The following DAPK1 variants were observed in gnomAD, a reference collection of about 807,000 sequenced individuals.
The protein encoded by DAPK1 is death-associated protein kinase 1.
A neutral mutation model predicts 144.9 loss-of-function variants in DAPK1; 56 were observed. The observed-to-expected ratio is 0.39, with a 90% CI of 0.31 to 0.48. The LOEUF (loss-of-function observed/expected upper bound fraction) is 0.48, where lower values mean the gene tolerates loss of function less well. Among genes scored for constraint, DAPK1 ranks in the 20% least tolerant of loss-of-function variants. The pLI is 0.95. For synonymous variants in DAPK1, 690 were observed against 749.0 expected (o/e 0.92, Z 1.29); for missense variants, 1,454 against 1,875.4 (o/e 0.78, Z 4.15).
At chr9:87,583,417 A>G (rs1827823449) in intron 2 of DAPK1, among the ~76,000 whole-genome samples, 1 of 152,256 alleles carries the variant, frequency 6.6e-6, no homozygotes, top group Admixed American at 6.5e-5. Flanking sequence ...AAATGCGTAC[A>G]GCAAATGTAA....
At chr9:87,534,845 A>G (rs1825809931) in intron 2 of DAPK1, among the ~76,000 whole-genome samples, 1 of 152,014 alleles carries the variant, frequency 6.6e-6, no homozygotes, top group South Asian at 2.1e-4. Flanking sequence ...GGGTTTTGCC[A>G]TGTTGGCCAG....
At chr9:87,679,811 C>A (rs1002990721) in intron 19 of DAPK1, among the ~76,000 whole-genome samples, 1 of 152,124 alleles carries the variant, frequency 6.6e-6, no homozygotes, top group Admixed American at 6.5e-5. Context: ...ATTGTGTTCC[C>A]AGCCCCCTCT....
chr9:87,571,233 C>T (rs1285791125), intron 2 of DAPK1, among the ~76,000 whole-genome samples: 1 of 151,988 alleles, frequency 6.6e-6, no homozygotes, highest in African/African-American at 2.4e-5. Context: ...AGACCCCAGG[C>T]TTCTGCTCTC....
rs182197338 is a variant in DAPK1 at position 87,541,826 on chromosome 9, A to T, written c.62+42687A>T. Reference sequence around the variant, plus strand: ...ACAGCCATTACCATTACCCAATGTGATGCATGTTTTCCTGTTCTGTGTCTA... The same window carrying T: ...ACAGCCATTACCATTACCCAATGTGTTGCATGTTTTCCTGTTCTGTGTCTA... On this transcript the variant is annotated intron_variant, in intron 2 of 25. Transcript: ENST00000408954. 3.6e-4 allele frequency among the ~76,000 whole-genome samples: 55 copies of T among 152,288 alleles called. 1 individual carries two copies. Among genetic ancestry groups the T allele is most frequent in the South Asian group, 3.5e-3 (17 of 4,822 alleles).
intron 2 of DAPK1, among the ~76,000 whole-genome samples, chr9:87,546,880 G>A (rs1826270790): frequency 6.6e-6 from 1 of 152,124 alleles, no homozygotes; most frequent in African/African-American, 2.4e-5. Context: ...AAATCAGCCT[G>A]GTACAGTGAC....
At chr9:87,596,107 A>G (rs149829473) in intron 2 of DAPK1, among the ~76,000 whole-genome samples, 104 of 152,056 alleles carry the variant, frequency 6.8e-4, no homozygotes, top group Non-Finnish European at 9.3e-4. Flanking sequence ...ATTGTGTACC[A>G]CTTGGTGCTG....
At chr9:87,549,885 A>G (rs1826410825) in intron 2 of DAPK1, among the ~76,000 whole-genome samples, 1 of 152,140 alleles carries the variant, frequency 6.6e-6, no homozygotes, top group South Asian at 2.1e-4. Context: ...CATTTTTTTT[A>G]TCTTTCCCTC....
chr9:87,569,277 T>C (rs968522991), intron 2 of DAPK1, among the ~76,000 whole-genome samples: 1 of 152,178 alleles, frequency 6.6e-6, no homozygotes, highest in Non-Finnish European at 1.5e-5. Flanking sequence ...TAGAGTTCAC[T>C]GTGCATCAGA....
intron 18 of DAPK1, 124 bp downstream of exon 18, chr9:87,658,251 A>T (rs769325811): frequency 3.3e-5 from 20 of 606,672 alleles, no homozygotes; most frequent in Non-Finnish European, 5.6e-5. Context: ...CTGTTCAGCC[A>T]TAGCTCCTCC....
intron 2 of DAPK1, among the ~76,000 whole-genome samples, chr9:87,602,499 T>C (rs1308972232): frequency 6.6e-6 from 1 of 152,114 alleles, no homozygotes; most frequent in Non-Finnish European, 1.5e-5. Context: ...CTTACCATCT[T>C]CCCATAAATA....
At chr9:87,693,844 G>C (rs1043305497) in intron 21 of DAPK1, among the ~76,000 whole-genome samples, 10 of 152,128 alleles carry the variant, frequency 6.6e-5, no homozygotes, top group Non-Finnish European at 1.3e-4. Context: ...AGCTCCAGTG[G>C]TGCCTGTAAT....
intron 2 of DAPK1, among the ~76,000 whole-genome samples, chr9:87,525,948 T>C (rs1825491150): frequency 6.6e-6 from 1 of 152,150 alleles, no homozygotes; most frequent in South Asian, 2.1e-4. Context: ...ACAGTAAATA[T>C]TTAAAATTTT....
At chr9:87,632,172 G>A (rs1426867370) in intron 3 of DAPK1, 1 of 876,488 alleles carries the variant, frequency 1.1e-6, no homozygotes, top group Non-Finnish European at 1.4e-6. Flanking sequence ...AGAGATGAAG[G>A]AGTATGAGTA....
chr9:87,593,169 G>C (rs564443546), intron 2 of DAPK1, among the ~76,000 whole-genome samples: 13 of 152,134 alleles, frequency 8.5e-5, no homozygotes, highest in Non-Finnish European at 1.8e-4. Context: ...ACCTGTGAAT[G>C]GTGTCTCCCA....
intron 2 of DAPK1, among the ~76,000 whole-genome samples, chr9:87,566,512 G>A (rs1827132397): frequency 6.6e-6 from 1 of 152,092 alleles, no homozygotes; most frequent in African/African-American, 2.4e-5. Context: ...CAATGAAAGA[G>A]GAAAAGTGGA....
intron 2 of DAPK1, among the ~76,000 whole-genome samples, chr9:87,506,496 A>G (rs985011472): frequency 1.3e-5 from 2 of 152,250 alleles, no homozygotes; most frequent in Non-Finnish European, 2.9e-5. Context: ...GAAAACTCCA[A>G]AAACACTTTC....
intron 2 of DAPK1, among the ~76,000 whole-genome samples, chr9:87,567,759 G>C (rs36233190): frequency 6.6e-6 from 1 of 151,936 alleles, no homozygotes; most frequent in Non-Finnish European, 1.5e-5. Flanking sequence ...ATGAGTCTGT[G>C]AGCCCCACCC....
At chr9:87,549,564 T>C (rs1826395652) in intron 2 of DAPK1, among the ~76,000 whole-genome samples, 1 of 152,218 alleles carries the variant, frequency 6.6e-6, no homozygotes, top group Admixed American at 6.5e-5. Flanking sequence ...TATTCTGTTT[T>C]AATTAGGCAT....
chr9:87,653,511 A>G (rs999449101), intron 17 of DAPK1, among the ~76,000 whole-genome samples: 6 of 150,448 alleles, frequency 4.0e-5, no homozygotes, highest in Admixed American at 6.6e-5. Flanking sequence ...GTGTGTATGT[A>G]TGTGTGTGTG....
Sources: allele counts gnomAD v4.1 joint callset (sites outside exome capture counted in the v4.1 genomes callset), GRCh38; gene constraint gnomAD v4.1.1; transcripts MANE v1.5; gene names NCBI Gene and HGNC (gene_info 2026-07-23, HGNC 2026-07-21).